TASP1: variants seen among roughly 807,000 people sequenced by gnomAD.
The protein encoded by TASP1 is taspase 1.
A neutral mutation model predicts 56.6 loss-of-function variants in TASP1; 16 were observed. That is an observed-to-expected ratio of 0.28 (90% confidence interval 0.19 to 0.43). The LOEUF (loss-of-function observed/expected upper bound fraction) is 0.43, where lower values mean the gene tolerates loss of function less well. Ranked by LOEUF, TASP1 falls within the 20% of genes least tolerant of loss-of-function variation. The pLI is 1.00. For synonymous variants in TASP1, 179 were observed against 184.2 expected, an observed-to-expected ratio of 0.97 and a Z score of 0.23; for missense variants, 393 against 511.6, an observed-to-expected ratio of 0.77 and a Z score of 2.24.
the TASP1 span, among the ~76,000 whole-genome samples, chr20:13,320,555 T>A: frequency 1.3e-5 from 2 of 152,212 alleles, no homozygotes; most frequent in South Asian, 4.1e-4. Flanking sequence ...GGATGCTATG[T>A]CAATTAGGAT....
intron 10 of TASP1, among the ~76,000 whole-genome samples, chr20:13,502,109 G>A (rs529399458): frequency 1.1e-4 from 16 of 151,704 alleles, no homozygotes; most frequent in Non-Finnish European, 2.4e-4. Context: ...TTATAAATGA[G>A]CAAATAAATA....
chr20:13,235,884 G>A, the TASP1 span, among the ~76,000 whole-genome samples: 1 of 151,934 alleles, frequency 6.6e-6, no homozygotes, highest in African/African-American at 2.4e-5. Flanking sequence ...ACATGCCTGG[G>A]GACAGGAGTT....
the TASP1 span, among the ~76,000 whole-genome samples, chr20:13,294,877 T>A: frequency 1.3e-5 from 2 of 152,166 alleles, no homozygotes; most frequent in African/African-American, 4.8e-5. Flanking sequence ...CACAGCAAGG[T>A]AAAATACCTC....
intron 6 of TASP1, among the ~76,000 whole-genome samples, chr20:13,579,753 T>G (rs1020619568): frequency 2.6e-5 from 4 of 152,316 alleles, no homozygotes; most frequent in East Asian, 1.9e-4. Context: ...CACTGCTTTA[T>G]CAAAAACACA....
At chr20:13,540,094 C>G (rs1384381833) in intron 8 of TASP1, among the ~76,000 whole-genome samples, 2 of 151,942 alleles carry the variant, frequency 1.3e-5, no homozygotes, top group African/African-American at 2.4e-5. Flanking sequence ...TAACTTATAC[C>G]CATAGTGAAC....
the TASP1 span, among the ~76,000 whole-genome samples, chr20:13,310,037 T>C: frequency 1.3e-5 from 2 of 152,182 alleles, no homozygotes; most frequent in African/African-American, 4.8e-5. Context: ...ACAAATTCGA[T>C]GCAATCCCTA....
the TASP1 span, among the ~76,000 whole-genome samples, chr20:13,317,601 T>C: frequency 6.6e-6 from 1 of 151,944 alleles, no homozygotes; most frequent in South Asian, 2.1e-4. Flanking sequence ...GGCAAATAGA[T>C]CAATGGAACA....
At chr20:13,332,897 G>A in the TASP1 span, among the ~76,000 whole-genome samples, 1 of 152,162 alleles carries the variant, frequency 6.6e-6, no homozygotes, top group Admixed American at 6.5e-5. Context: ...TGTATGTTGT[G>A]GGTATAACAT....
the TASP1 span, among the ~76,000 whole-genome samples, chr20:13,242,643 T>C: frequency 6.6e-6 from 1 of 152,202 alleles, no homozygotes; most frequent in Non-Finnish European, 1.5e-5. Context: ...CCTGCACTTC[T>C]CTTGAATGGA....
the TASP1 span, among the ~76,000 whole-genome samples, chr20:13,281,451 C>T: frequency 6.6e-6 from 1 of 152,182 alleles, no homozygotes; most frequent in Admixed American, 6.5e-5. Flanking sequence ...TGCACTAGTC[C>T]CTGTTCATGG....
chr20:13,124,678 C>T, the TASP1 span, among the ~76,000 whole-genome samples: 865 of 152,282 alleles, frequency 5.7e-3, 6 homozygotes, highest in African/African-American at 0.02. Context: ...CATCATTAAT[C>T]TAACCTTCAC....
the TASP1 span, among the ~76,000 whole-genome samples, chr20:13,176,638 A>G: frequency 6.6e-6 from 1 of 152,036 alleles, no homozygotes; most frequent in Non-Finnish European, 1.5e-5. Context: ...TTTTGCATCT[A>G]TGTTCAGAGA....
At chr20:13,132,166 C>T in the TASP1 span, among the ~76,000 whole-genome samples, 1 of 142,904 alleles carries the variant, frequency 7.0e-6, no homozygotes, top group Non-Finnish European at 1.5e-5. Context: ...CCTCACCTTG[C>T]TTTAATTTTT....
At chr20:13,262,515 CAT>C in the TASP1 span, among the ~76,000 whole-genome samples, 31,842 of 151,668 alleles carry the variant, frequency 0.21, 3,709 homozygotes, top group East Asian at 0.44. Context: ...CTGCTTCTTA[CAT>C]GTTTTCTTAC....
intron 11 of TASP1, among the ~76,000 whole-genome samples, chr20:13,445,844 G>T (rs1487089394): frequency 6.6e-6 from 1 of 152,078 alleles, no homozygotes; most frequent in East Asian, 1.9e-4. Context: ...GAGCAGGTAG[G>T]GTGGTATAGA....
the TASP1 span, chr20:13,110,201 G>C: frequency 3.1e-6 from 5 of 1,613,618 alleles, no homozygotes; most frequent in South Asian, 3.3e-5. Flanking sequence ...TCTCATCCTG[G>C]TGGAGGGTGT....
chr20:13,198,790 TTGTC>T, the TASP1 span, among the ~76,000 whole-genome samples: 2 of 148,950 alleles, frequency 1.3e-5, no homozygotes, highest in Admixed American at 6.7e-5. Context: ...CTTTCTTTCT[TTGTC>T]TTTCTTTCTT....
chr20:13,357,503 C>G, the TASP1 span, among the ~76,000 whole-genome samples: 1 of 152,164 alleles, frequency 6.6e-6, no homozygotes, highest in Non-Finnish European at 1.5e-5. Context: ...GTTAAATTCC[C>G]TTTTCTCTGA....
At chr20:13,488,540 A>G (rs980667953) in intron 10 of TASP1, among the ~76,000 whole-genome samples, 1 of 152,166 alleles carries the variant, frequency 6.6e-6, no homozygotes, top group African/African-American at 2.4e-5. Context: ...TTCATTTCTC[A>G]GAGATTTTAA....
Sources: allele counts gnomAD v4.1 joint callset (sites outside exome capture counted in the v4.1 genomes callset), GRCh38; gene constraint gnomAD v4.1.1; transcripts MANE v1.5; gene names NCBI Gene and HGNC (gene_info 2026-07-23, HGNC 2026-07-21).